Variants in EML5 observed in about 807,000 individuals in gnomAD.
EML5 encodes EMAP like 5, also known as echinoderm microtubule-associated protein-like 5.
EML5 carries 120 observed loss-of-function variants against 250.0 expected under a neutral mutation model. That is an observed-to-expected ratio of 0.48 (90% CI 0.41 to 0.56). EML5 has a LOEUF of 0.56. Among genes scored for constraint, EML5 ranks in the 20% least tolerant of loss-of-function variants. The probability of loss-of-function intolerance (pLI) is 0.00; values close to 1 mark genes in which losing one functional copy is unlikely to be tolerated. For missense variants in EML5, 2,006 were observed against 2,437.6 expected (o/e 0.82, Z 3.73); for synonymous variants, 771 against 806.5 (o/e 0.96, Z 0.75).
At chr14:88,730,423 T>C (rs922793298) in intron 7 of EML5, among the ~76,000 whole-genome samples, 1 of 152,248 alleles carries the variant, frequency 6.6e-6, no homozygotes, top group Admixed American at 6.5e-5. Flanking sequence ...AAGCTACTTA[T>C]TGGTAATGAA....
chr14:88,726,595 C>T lies in EML5; in HGVS notation c.1133G>A (p.Gly378Glu), dbSNP rs762242210. 3 of 1,597,576 alleles carry T rather than the reference C, an allele frequency of 1.9e-6. No individual in the cohort carries two copies. Among genetic ancestry groups the T allele is most frequent in the African/African-American group, 1.3e-5 (1 of 74,654 alleles). The stretch of plus-strand genomic sequence containing the variant: ...CTTCATTCCAAGGGCAAGATGGATT[C>T]CATCTGCATTGACAGCTGCACAACG... Reference protein sequence around the residue: ...PIRCAAVNADGIHLALGMKDG... With the variant: ...PIRCAAVNADEIHLALGMKDG... Residue 378 changes from glycine to glutamate, a missense_variant, in exon 8 of 44, where the codon GGA (glycine) becomes GAA (glutamate). By Grantham distance (98) the Gly-to-Glu change is moderately conservative (BLOSUM62 -2). Transcript: ENST00000554922.
At position 88,755,147 on chromosome 14, in the gene EML5, C is replaced by T. The variant is rs144275001; in HGVS notation, c.198-476G>A. ...TAAATAGCTTCTATAAAAATCCATGCTAACAGTTACTACTTCATAGAATAT... is the reference window on the plus strand; with the variant it reads ...TAAATAGCTTCTATAAAAATCCATGTTAACAGTTACTACTTCATAGAATAT... On this transcript the variant is annotated intron_variant, in intron 1 of 43. Coordinates refer to ENST00000554922, the MANE Select transcript of EML5 (RefSeq NM_183387.3). Among the ~76,000 whole-genome samples the T allele has an allele frequency of 6.1e-4, 93 of 152,288 alleles. 1 individual carries two copies. In the East Asian group the frequency reaches 0.016, roughly 26 times the overall value.
At chr14:88,705,378 T>C in intron 12 of EML5, 104 bp downstream of exon 12, 1 of 883,554 alleles carries the variant, frequency 1.1e-6, no homozygotes, top group South Asian at 1.5e-5. Flanking sequence ...ATACATTGCT[T>C]GAGAAATTAA....
At chr14:88,781,661 C>T (rs1056244981) in intron 1 of EML5, among the ~76,000 whole-genome samples, 1 of 152,180 alleles carries the variant, frequency 6.6e-6, no homozygotes, top group Non-Finnish European at 1.5e-5. Flanking sequence ...TACTCTCATG[C>T]TGTTCTCATG....
intron 21 of EML5, among the ~76,000 whole-genome samples, chr14:88,679,676 A>C (rs1033163141): frequency 1.3e-5 from 2 of 152,178 alleles, no homozygotes; most frequent in Non-Finnish European, 2.9e-5. Context: ...TGGGTGATAG[A>C]GCAAGACTGT....
At chr14:88,713,982 T>G (rs1479385349) in intron 9 of EML5, among the ~76,000 whole-genome samples, 1 of 151,578 alleles carries the variant, frequency 6.6e-6, no homozygotes, top group African/African-American at 2.4e-5. Flanking sequence ...GGACCACAGG[T>G]GCATACCACC....
At chr14:88,699,665 A>G (rs565159214) in intron 14 of EML5, among the ~76,000 whole-genome samples, 42 of 152,294 alleles carry the variant, frequency 2.8e-4, no homozygotes, top group Admixed American at 1.1e-3. Context: ...CAGTAGAGAT[A>G]TGGAAAAATT....
intron 10 of EML5, among the ~76,000 whole-genome samples, chr14:88,708,816 A>G (rs1234762253): frequency 6.6e-6 from 1 of 152,142 alleles, no homozygotes; most frequent in East Asian, 1.9e-4. Flanking sequence ...TTGATTATGA[A>G]AACTATGATA....
At chr14:88,789,945 T>C (rs1488931617) in intron 1 of EML5, among the ~76,000 whole-genome samples, 3 of 152,230 alleles carry the variant, frequency 2.0e-5, no homozygotes, top group African/African-American at 7.2e-5. Context: ...GACTTTTTAT[T>C]ACTAAAGCTA....
chr14:88,622,549 G>GT lies in EML5; in HGVS notation c.5013+54dup, dbSNP rs950983941. On this transcript the variant is annotated intron_variant, in intron 37 of 43. Transcript: ENST00000554922. ...GGCTGCAAAGGGTGAGGGAATCACA[G>GT]TAATAACCACTTTCTGTTTTCTGCT... The GT allele has an allele frequency of 6.5e-6, 9 of 1,382,256 alleles. No individual in the cohort carries two copies. The African/African-American group carries it at 1.2e-4, about 18-fold the overall frequency. The allele number at this position is 1,382,256 out of a possible 1,614,324, so 85.6% of individuals were successfully genotyped here.
rs779062599 is a variant in EML5 at position 88,740,484 on chromosome 14, C to T, written c.614G>A (p.Cys205Tyr). ...AGAATATGTTAATTCATCCCTTGCA[C>T]AGGCTAGGCACAGTATTGTCTGAAG... ...GDLQTILCLA[C>Y]ARDELTYSGA... Residue 205 changes from cysteine to tyrosine, a missense_variant, in exon 5 of 44, where the codon TGT (cysteine) becomes TAT (tyrosine). This residue lies in a region of EML5 where 1,375 missense variants were observed against 1,590.3 expected (regional missense o/e 0.86). Coordinates refer to ENST00000554922, the MANE Select transcript of EML5 (RefSeq NM_183387.3). The T allele has an allele frequency of 6.2e-7, 1 of 1,613,864 alleles. No individual in the cohort carries two copies. Among genetic ancestry groups the T allele is most frequent in the Non-Finnish European group, 8.5e-7 (1 of 1,179,834 alleles).
intron 4 of EML5, among the ~76,000 whole-genome samples, chr14:88,741,056 G>A (rs1005162769): frequency 3.3e-5 from 5 of 152,060 alleles, no homozygotes; most frequent in East Asian, 1.9e-4. Flanking sequence ...CCAGTTACTC[G>A]GGAGGCTGAG....
At chr14:88,715,278 T>C in intron 8 of EML5, 83 bp from the exon 9 acceptor site, 3 of 1,319,410 alleles carry the variant, frequency 2.3e-6, no homozygotes, top group Non-Finnish European at 3.1e-6. Flanking sequence ...AAAATGACCG[T>C]GAAGCTGTAT....
chr14:88,784,735 G>C (rs921678926), intron 1 of EML5, among the ~76,000 whole-genome samples: 1 of 152,126 alleles, frequency 6.6e-6, no homozygotes, highest in Non-Finnish European at 1.5e-5. Flanking sequence ...ATGCTGGAAA[G>C]GATGTGGAGA....
intron 8 of EML5, 127 bp from the exon 9 acceptor site, chr14:88,715,322 A>T (rs1595635710): frequency 2.2e-6 from 2 of 917,990 alleles, no homozygotes; most frequent in African/African-American, 1.7e-5. Context: ...AAACATAAAT[A>T]ACACAAGTAG....
chr14:88,792,470 G>T lies in EML5; in HGVS notation c.34C>A (p.Arg12=). ...CGGTAGCCGTACACCCACTCGAGCC[G>T]CAGGTGGCAGCTCGGGGCGCTCCGG... ...AARSAPSCHL[R]LEWVYGYRGH... is the part of the protein sequence containing the mutation. Residue 12 remains arginine (R), a synonymous_variant, in exon 1 of 44, where the codon CGG becomes AGG. Transcript: ENST00000554922. This position sits in a 1 kb window ranked among gnomAD's most constrained non-coding sequence, Gnocchi z 6.9. 2 of 1,494,256 alleles carry T rather than the reference G, an allele frequency of 1.3e-6. 1 individual carries two copies. The highest frequency in any genetic ancestry group is 2.6e-5 in the South Asian group (2 of 78,130). The allele number at this position is 1,494,256 out of a possible 1,614,324, so 92.6% of individuals were successfully genotyped here.
chr14:88,676,667 A>T (rs1396825424), intron 21 of EML5, among the ~76,000 whole-genome samples: 2 of 152,238 alleles, frequency 1.3e-5, no homozygotes, highest in African/African-American at 4.8e-5. Context: ...AAGAGCCCAT[A>T]TAGCCAAGAC....
At chr14:88,690,228 C>T (rs753867369) in intron 17 of EML5, among the ~76,000 whole-genome samples, 13 of 152,160 alleles carry the variant, frequency 8.5e-5, no homozygotes, top group Admixed American at 1.3e-4. Flanking sequence ...ATTGTAAGGA[C>T]GGCCTACTTT....
At chr14:88,654,846 G>T (rs562997395) in intron 27 of EML5, among the ~76,000 whole-genome samples, 1 of 152,178 alleles carries the variant, frequency 6.6e-6, no homozygotes, top group South Asian at 2.1e-4. Context: ...TTAATTTTCT[G>T]TCTCGTTGAT....
Sources: gnomAD v4.1 joint callset for allele counts (sites outside exome capture counted in the v4.1 genomes callset) on GRCh38, gnomAD v4.1.1 for gene constraint, gnomAD v4.1.1 regional missense constraint, Gnocchi (gnomAD v3.1) non-coding constraint, MANE v1.5 for transcripts, NCBI Gene and HGNC (gene_info 2026-07-23, HGNC 2026-07-21) for gene names.